The following WDR36 variants were observed in gnomAD, a reference collection of about 807,000 sequenced individuals.
WDR36 encodes the protein WD repeat-containing protein 36.
WDR36 carries 63 observed loss-of-function variants against 112.7 expected under a neutral mutation model. The ratio of observed to expected loss-of-function variants is 0.56; its 90% confidence interval spans 0.46 to 0.69. WDR36 has a LOEUF of 0.69. Among genes scored for constraint, WDR36 ranks in the 30% least tolerant of loss-of-function variants. WDR36 has a pLI of 0.00. For missense variants in WDR36, 1,226 were observed against 1,070.3 expected, an observed-to-expected ratio of 1.15 and a Z score of -2.03; for synonymous variants, 410 against 362.2, an observed-to-expected ratio of 1.13 and a Z score of -1.50.
At position 111,125,892 on chromosome 5, in the gene WDR36, A is replaced by T. The variant is rs181997697; in HGVS notation, c.2538+97A>T. ...GCAAAGATGGGTATGCTGTATATCCATCCTTTCCAGTATCATAGCCACTTG... is the reference window on the plus strand; with the variant it reads ...GCAAAGATGGGTATGCTGTATATCCTTCCTTTCCAGTATCATAGCCACTTG... On this transcript the variant is annotated intron_variant, in intron 22 of 22. Coordinates refer to ENST00000513710, the MANE Select transcript of WDR36 (RefSeq NM_139281.3). The T allele has an allele frequency of 4.4e-3, 5,652 of 1,299,122 alleles. 17 individuals carry two copies. Among genetic ancestry groups the T allele is most frequent in the Non-Finnish European group, 4.8e-3 (4,395 of 907,844 alleles). The allele number at this position is 1,299,122 out of a possible 1,614,324, so 80.5% of individuals were successfully genotyped here.
At position 111,104,249 on chromosome 5, in the gene WDR36, TAATC is replaced by T; in HGVS notation, c.806_809del (p.Ile269ThrfsTer3). 6.2e-7 allele frequency: 1 copy of T among 1,612,026 alleles called. No homozygotes were observed. Among genetic ancestry groups the T allele is most frequent in the Non-Finnish European group, 8.5e-7 (1 of 1,178,584 alleles). Reference sequence around the variant, plus strand: ...CTCTGGGATCTAGAAGACAAAAAATTAATCAACCAAATGAGAAATGCACACTCTA... The same window carrying T: ...CTCTGGGATCTAGAAGACAAAAAATTAACCAAATGAGAAATGCACACTCTA... On this transcript the variant is annotated frameshift_variant, in exon 8 of 23. Transcript: ENST00000513710. LOFTEE classifies it high-confidence loss of function.
intron 22 of WDR36, 68 bp downstream of exon 22, chr5:111,125,863 T>C (rs1351482937): frequency 3.8e-6 from 6 of 1,562,794 alleles, no homozygotes; most frequent in Non-Finnish European, 5.3e-6. Flanking sequence ...TAACAGAACT[T>C]TCTGCAAAGA....
chr5:111,116,091 T>C (rs1325403139), intron 16 of WDR36, among the ~76,000 whole-genome samples: 3 of 151,754 alleles, frequency 2.0e-5, no homozygotes. Context: ...CACAGGCGTG[T>C]GCCACCATGC....
intron 6 of WDR36, 113 bp downstream of exon 6, chr5:111,102,512 T>C: frequency 9.4e-7 from 1 of 1,069,298 alleles, no homozygotes; most frequent in East Asian, 2.4e-5. Context: ...TAGCTTAGTT[T>C]ACCTTTAAAA....
At chr5:111,094,387 G>C (rs1324600442) in intron 1 of WDR36, among the ~76,000 whole-genome samples, 2 of 152,100 alleles carry the variant, frequency 1.3e-5, no homozygotes, top group East Asian at 1.9e-4. Context: ...GCCATGATTG[G>C]GGTCAGCAAA....
chr5:111,105,670 AG>A (rs1475135510), intron 10 of WDR36, among the ~76,000 whole-genome samples: 12 of 151,544 alleles, frequency 7.9e-5, no homozygotes, highest in Non-Finnish European at 1.0e-4. Context: ...AAGGTAGCTT[AG>A]AGAAAGCATC....
Position 111,111,218 on chromosome 5 carries a change from C to T in WDR36, c.1656C>T (p.Asp552=), listed in dbSNP as rs767200985. The T allele has an allele frequency of 2.5e-6, 4 of 1,611,742 alleles. No homozygotes were observed. In the Admixed American group the frequency reaches 6.7e-5, roughly 27 times the overall value. Residue 552 remains aspartate, a synonymous_variant, in exon 15 of 23, where the codon GAC becomes GAT. Coordinates refer to ENST00000513710, the MANE Select transcript of WDR36 (RefSeq NM_139281.3). ...ATGACTTCTCCATTAGTGTTCTGGA[C>T]ATAGAAACTAGGAAGATTGTCAGAG... The part of the protein sequence containing the change: ...ALDDFSISVL[D]IETRKIVREF...
chr5:111,092,560 C>A lies in WDR36; in HGVS notation c.104C>A (p.Ala35Glu). The A allele has an allele frequency of 6.2e-7, 1 of 1,614,206 alleles. No individual in the cohort carries two copies. The highest frequency in any genetic ancestry group is 8.5e-7 in the Non-Finnish European group (1 of 1,180,042). ...ATTCCACACGTGGTGCGGTTCAGCG[C>A]GCTCAAGCGCCGGTTCTATGTAACA... is the stretch of plus-strand genomic sequence containing the variant. ...NDIPHVVRFS[A>E]LKRRFYVTTC... The change falls in exon 1 of 23, where the codon GCG (alanine) becomes GAG (glutamate). Residue 35 changes from alanine to glutamate, a missense_variant. Coordinates refer to ENST00000513710, the MANE Select transcript of WDR36 (RefSeq NM_139281.3).
chr5:111,113,096 G>A lies in WDR36; in HGVS notation c.1739G>A (p.Trp580Ter). Residue 580 changes from tryptophan to a stop codon, truncating the protein, a stop_gained, in exon 16 of 23, where the codon TGG (tryptophan) becomes TAG (stop). Coordinates refer to ENST00000513710, the MANE Select transcript of WDR36 (RefSeq NM_139281.3). LOFTEE classifies it high-confidence loss of function. ...NDMAFSPDGR[W>*]LISAAMDCSI... ...AAGGCTTTTAGTCCTGATGGTCGTT[G>A]GTTAATAAGTGCTGCGATGGATTGC... 1.3e-6 allele frequency: 2 copies of A among 1,496,044 alleles called. No individual in the cohort carries two copies. Among genetic ancestry groups the A allele is most frequent in the Non-Finnish European group, 1.8e-6 (2 of 1,116,560 alleles). 92.7% of individuals were successfully genotyped at this position (1,496,044 alleles called of 1,614,324 possible).
intron 17 of WDR36, among the ~76,000 whole-genome samples, chr5:111,119,893 C>T (rs1361474820): frequency 3.3e-5 from 5 of 152,030 alleles, no homozygotes; most frequent in African/African-American, 9.7e-5. Context: ...AGGAGTATGG[C>T]CCTTCTCAAT....
intron 13 of WDR36, 90 bp downstream of exon 13, chr5:111,110,393 C>T: frequency 9.4e-7 from 1 of 1,064,536 alleles, no homozygotes; most frequent in Non-Finnish European, 1.4e-6. Flanking sequence ...AAGTGCTGGG[C>T]ATTTTGCTAA....
Position 111,092,376 on chromosome 5 carries a change from G to T in WDR36, c.-81G>T. 2 of 1,614,248 alleles carry T rather than the reference G, an allele frequency of 1.2e-6. No individual in the cohort carries two copies. Among genetic ancestry groups the T allele is most frequent in the Non-Finnish European group, 1.7e-6 (2 of 1,180,032 alleles). On this transcript the variant is annotated 5_prime_UTR_variant, in exon 1 of 23. Coordinates refer to ENST00000513710, the MANE Select transcript of WDR36 (RefSeq NM_139281.3). ...GTGTCTGCAGCTCTGGCAGAGGACT[G>T]TTCCACTAGACACGCTGAAGGGACT... is the stretch of plus-strand genomic sequence containing the variant.
chr5:111,107,342 G>A lies in WDR36; in HGVS notation c.1229G>A (p.Gly410Asp), dbSNP rs140155952. ...GATGGTATCATTGCTTGCCATCAAG[G>A]TAAGCTATCTTGCTCAACCTGGAAT... ...DWDGIIACHQGKLSCSTWNYQ... is the reference protein window; with the variant it reads ...DWDGIIACHQDKLSCSTWNYQ... Residue 410 changes from glycine (G) to aspartate (D), a missense_variant, in exon 12 of 23, where the codon GGT (glycine) becomes GAT (aspartate). Coordinates refer to ENST00000513710, the MANE Select transcript of WDR36 (RefSeq NM_139281.3). The A allele has an allele frequency of 5.9e-5, 95 of 1,610,560 alleles. 1 individual carries two copies. The highest frequency in any genetic ancestry group is 4.5e-4 in the African/African-American group (34 of 74,826).
chr5:111,110,367 G>A, intron 13 of WDR36, 64 bp downstream of exon 13: 1 of 1,325,938 alleles, frequency 7.5e-7, no homozygotes, highest in Non-Finnish European at 1.1e-6. Flanking sequence ...AGTGAAAGCT[G>A]GTATGTATAA....
chr5:111,130,464 C>CAT lies in WDR36; in HGVS notation c.*3592_*3593dup, dbSNP rs150659473. ...GAGAGCTTTTGGTTTCATAGATTTT[C>CAT]ATATATATATATGATATAATAAACA... On this transcript the variant is annotated 3_prime_UTR_variant, in exon 23 of 23. Transcript: ENST00000513710. 3,825 of 175,024 alleles carry CAT rather than the reference C, an allele frequency of 0.022. 135 individuals carry two copies. The highest frequency in any genetic ancestry group is 0.13 in the South Asian group (623 of 4,980). The allele number at this position is 175,024 out of a possible 1,614,324, so 10.8% of individuals were successfully genotyped here. A position where few individuals can be genotyped will look rare whatever the true frequency, so the allele number is the denominator to read the frequency against.
In WDR36 at chr5:111,128,403, A is replaced by C. The variant is rs953038990; in HGVS notation, c.*1520A>C. 5.5e-6 allele frequency: 1 copy of C among 182,846 alleles called. No homozygotes were observed. The highest frequency in any genetic ancestry group is 1.2e-5 in the Non-Finnish European group (1 of 85,824). 11.3% of individuals were successfully genotyped at this position (182,846 alleles called of 1,614,324 possible). On this transcript the variant is annotated 3_prime_UTR_variant, in exon 23 of 23. Transcript: ENST00000513710. ...TTGTACTCAATTTCGTTTTTCTTTT[A>C]GAAATGTGTATTGACTTATTAAAGC... is the stretch of plus-strand genomic sequence containing the variant.
At chr5:111,126,049 A>G (rs1012457640) in intron 22 of WDR36, among the ~76,000 whole-genome samples, 2 of 152,200 alleles carry the variant, frequency 1.3e-5, no homozygotes, top group African/African-American at 4.8e-5. Flanking sequence ...TTGGACAGCT[A>G]GACAGTGCAG....
intron 1 of WDR36, among the ~76,000 whole-genome samples, chr5:111,093,757 A>G (rs1374221685): frequency 6.6e-6 from 1 of 152,204 alleles, no homozygotes; most frequent in Non-Finnish European, 1.5e-5. Context: ...TTACACACAG[A>G]CACAGGTGTT....
Position 111,129,079 on chromosome 5 carries a change from A to G in WDR36, c.*2196A>G, listed in dbSNP as rs1446775884. ...TGCTATTTCTACTTGGGAGTTTTTT[A>G]TTTTGGTACATTCACATTTACCTAA... is the stretch of plus-strand genomic sequence containing the variant. On this transcript the variant is annotated 3_prime_UTR_variant, in exon 23 of 23. Transcript: ENST00000513710. The G allele has an allele frequency of 5.1e-6, 1 of 198,016 alleles. No individual in the cohort carries two copies. The highest frequency in any genetic ancestry group is 1.0e-5 in the Non-Finnish European group (1 of 95,686). 12.3% of individuals were successfully genotyped at this position (198,016 alleles called of 1,614,324 possible).
Sources: gnomAD v4.1 joint callset for allele counts (sites outside exome capture counted in the v4.1 genomes callset) on GRCh38, gnomAD v4.1.1 for gene constraint, MANE v1.5 for transcripts, NCBI Gene and HGNC (gene_info 2026-07-23, HGNC 2026-07-21) for gene names.